MYOCD: variants seen among roughly 807,000 people sequenced by gnomAD.
MYOCD encodes myocardin.
Under a neutral mutation model 96.1 loss-of-function variants are expected in MYOCD, and 32 were observed. The observed-to-expected ratio is 0.33, with a 90% CI of 0.25 to 0.45. MYOCD has a LOEUF of 0.45. Ranked by LOEUF, MYOCD falls within the 20% of genes least tolerant of loss-of-function variation. The pLI is 1.00. For missense variants in MYOCD, 1,133 were observed against 1,200.6 expected (o/e 0.94, Z 0.83); for synonymous variants, 469 against 469.0 (o/e 1.00, Z 0.00).
At chr17:12,715,417 C>G in intron 2 of MYOCD, 102 bp from the exon 3 acceptor site, 3 of 903,148 alleles carry the variant, frequency 3.3e-6, no homozygotes, top group South Asian at 3.5e-5. Context: ...AGGCAATCAC[C>G]TCCCTACTGT....
chr17:12,697,850 G>T (rs933448991), intron 1 of MYOCD, among the ~76,000 whole-genome samples: 2 of 152,108 alleles, frequency 1.3e-5, no homozygotes, highest in Non-Finnish European at 2.9e-5. Flanking sequence ...GAAGAAGTTG[G>T]CATTATAAAT....
intron 1 of MYOCD, among the ~76,000 whole-genome samples, chr17:12,688,521 T>C (rs2030255065): frequency 6.9e-6 from 1 of 145,674 alleles, no homozygotes; most frequent in Non-Finnish European, 1.5e-5. Context: ...TCTCCTCCCT[T>C]CCATCTTCTT....
At chr17:12,756,084 A>AG (rs2033003032) in intron 10 of MYOCD, among the ~76,000 whole-genome samples, 1 of 152,150 alleles carries the variant, frequency 6.6e-6, no homozygotes, top group Non-Finnish European at 1.5e-5. Context: ...GGGGGATGGA[A>AG]TGTACAGGGC....
intron 12 of MYOCD, among the ~76,000 whole-genome samples, chr17:12,759,048 CA>C (rs1370935512): frequency 1.3e-4 from 18 of 142,894 alleles, no homozygotes; most frequent in South Asian, 2.3e-4. Flanking sequence ...AACTCCATCT[CA>C]AAAAAAAAAG....
intron 2 of MYOCD, chr17:12,706,182 G>A (rs2031283716): frequency 1.3e-5 from 2 of 152,188 alleles, no homozygotes; most frequent in South Asian, 4.1e-4. Flanking sequence ...GTAATCCTTT[G>A]TTCATGGCTA....
chr17:12,722,827 T>A lies in MYOCD; in HGVS notation c.254-20T>A. 1 of 1,596,092 alleles carries A rather than the reference T, an allele frequency of 6.3e-7. No homozygotes were observed. Among genetic ancestry groups the A allele is most frequent in the Non-Finnish European group, 8.5e-7 (1 of 1,172,760 alleles). On this transcript the variant is annotated intron_variant, in intron 4 of 13. Coordinates refer to ENST00000425538, the MANE Select transcript of MYOCD (RefSeq NM_001146312.3). ...AGACATCAAATTCTAGAACTGATCCTTTTCATTTCAACCCTTTAGCTTCCA... is the reference window on the plus strand; with the variant it reads ...AGACATCAAATTCTAGAACTGATCCATTTCATTTCAACCCTTTAGCTTCCA...
intron 9 of MYOCD, among the ~76,000 whole-genome samples, chr17:12,749,164 A>G (rs945299360): frequency 2.0e-5 from 3 of 152,216 alleles, no homozygotes; most frequent in Non-Finnish European, 4.4e-5. Flanking sequence ...TAATAGCAGC[A>G]TATCACTTCA....
intron 1 of MYOCD, among the ~76,000 whole-genome samples, chr17:12,704,306 GA>G (rs1412163137): frequency 6.6e-6 from 1 of 152,200 alleles, no homozygotes; most frequent in East Asian, 1.9e-4. Context: ...GTTTGGAGGA[GA>G]GGGGGCAATG....
At chr17:12,742,062 G>T (rs1023807640) in intron 7 of MYOCD, among the ~76,000 whole-genome samples, 6 of 152,072 alleles carry the variant, frequency 3.9e-5, no homozygotes, top group Non-Finnish European at 8.8e-5. Flanking sequence ...CCCTGCCAGG[G>T]CTGCAGCTCC....
chr17:12,741,650 A>G (rs1167584587), intron 7 of MYOCD, among the ~76,000 whole-genome samples: 2 of 151,852 alleles, frequency 1.3e-5, no homozygotes, highest in Non-Finnish European at 2.9e-5. Context: ...GGGTGGTGGC[A>G]GTGAGCCGAG....
At position 12,763,298 on chromosome 17, in the gene MYOCD, C is replaced by T. The variant is rs767791224; in HGVS notation, c.2615C>T (p.Thr872Ile). Residue 872 changes from threonine (T) to isoleucine (I), a missense_variant, in exon 14 of 14, where the codon ACC (threonine) becomes ATC (isoleucine). By Grantham distance (89) the Thr-to-Ile change is moderately conservative (BLOSUM62 -1). Transcript: ENST00000425538. ...QSPLGKMSDV[T>I]LLKIGSEEPH... ...CCCCTAGGAAAGATGAGTGATGTCA[C>T]CCTTCTAAAAATTGGGAGCGAAGAG... The T allele has an allele frequency of 6.2e-7, 1 of 1,610,284 alleles. No homozygotes were observed. Among genetic ancestry groups the T allele is most frequent in the Non-Finnish European group, 8.5e-7 (1 of 1,178,580 alleles).
At chr17:12,667,912 G>A (rs1909464435) in intron 1 of MYOCD, among the ~76,000 whole-genome samples, 2 of 151,444 alleles carry the variant, frequency 1.3e-5, no homozygotes, top group African/African-American at 4.9e-5. Context: ...GTAGCTTCGG[G>A]AAAACATGAT....
At position 12,763,674 on chromosome 17, in the gene MYOCD, C is replaced by T. The variant is rs183584861; in HGVS notation, c.*30C>T. ...CCCAATGCACCAGTGCTATGGAAGA[C>T]CAATGGAGTTCCATGGGGGAAAGCA... On this transcript the variant is annotated 3_prime_UTR_variant, in exon 14 of 14. Transcript: ENST00000425538. 1.9e-5 allele frequency: 29 copies of T among 1,563,298 alleles called. No homozygotes were observed. Among genetic ancestry groups the T allele is most frequent in the Non-Finnish European group, 2.4e-5 (28 of 1,148,248 alleles).
chr17:12,753,070 A>C lies in MYOCD; in HGVS notation c.1782A>C (p.Ser594=), dbSNP rs1488940157. ...QVPVKRQSSS[S]ECHPPACEAA... ...CTGTGAAAAGACAAAGCAGCAGCTC[A>C]GAGTGTCACCCACCGGCTTGTGAAG... The change falls in exon 10 of 14, where the codon TCA becomes TCC. Residue 594 remains serine (S), a synonymous_variant. Coordinates refer to ENST00000425538, the MANE Select transcript of MYOCD (RefSeq NM_001146312.3). 2 of 1,614,216 alleles carry C rather than the reference A, an allele frequency of 1.2e-6. No homozygotes were observed. Among genetic ancestry groups the C allele is most frequent in the South Asian group, 2.2e-5 (2 of 91,082 alleles).
Position 12,722,965 on chromosome 17 carries a change from A to G in MYOCD, c.372A>G (p.Lys124=). The part of the protein sequence containing the change: ...LRPGPLELVE[K]NILPVDSAVK... ...CAGGGCCACTGGAGCTGGTGGAAAAAAACATTCTTCCTGTGGATTCTGCTG... is the reference window on the plus strand; with the variant it reads ...CAGGGCCACTGGAGCTGGTGGAAAAGAACATTCTTCCTGTGGATTCTGCTG... Residue 124 remains lysine (K), a synonymous_variant, in exon 5 of 14, where the codon AAA becomes AAG. Coordinates refer to ENST00000425538, the MANE Select transcript of MYOCD (RefSeq NM_001146312.3). 2 of 1,614,008 alleles carry G rather than the reference A, an allele frequency of 1.2e-6. No individual in the cohort carries two copies.
chr17:12,721,151 A>G (rs1471564462), intron 4 of MYOCD, among the ~76,000 whole-genome samples: 1 of 151,752 alleles, frequency 6.6e-6, no homozygotes, highest in Non-Finnish European at 1.5e-5. Flanking sequence ...TAATGCTATA[A>G]TCAAAAAACA....
chr17:12,670,909 C>G (rs1909671580), intron 1 of MYOCD, among the ~76,000 whole-genome samples: 2 of 152,152 alleles, frequency 1.3e-5, no homozygotes, highest in Non-Finnish European at 2.9e-5. Context: ...GCTCAAGCCA[C>G]CTGCTTGAGA....
chr17:12,683,238 G>A (rs2029895893), intron 1 of MYOCD, among the ~76,000 whole-genome samples: 1 of 152,146 alleles, frequency 6.6e-6, no homozygotes, highest in Non-Finnish European at 1.5e-5. Flanking sequence ...CTTGAGGGAT[G>A]CCCATCCTCA....
At chr17:12,738,305 C>T (rs556394866) in intron 6 of MYOCD, among the ~76,000 whole-genome samples, 2 of 152,132 alleles carry the variant, frequency 1.3e-5, no homozygotes, top group Non-Finnish European at 2.9e-5. Context: ...TCCTCACCCC[C>T]CATGGAGAGA....
Sources: gnomAD v4.1 joint callset for allele counts (sites outside exome capture counted in the v4.1 genomes callset) on GRCh38, gnomAD v4.1.1 for gene constraint, MANE v1.5 for transcripts, NCBI Gene and HGNC (gene_info 2026-07-23, HGNC 2026-07-21) for gene names.